NFIB: variants seen among roughly 807,000 people sequenced by gnomAD.
NFIB encodes the protein nuclear factor I B.
NFIB carries 11 observed loss-of-function variants against 61.5 expected under a neutral mutation model. The ratio of observed to expected loss-of-function variants is 0.18; its 90% CI spans 0.11 to 0.30. The LOEUF (loss-of-function observed/expected upper bound fraction) is 0.30, where lower values mean the gene tolerates loss of function less well. NFIB is among the 10% of genes least tolerant of loss of function. The probability of loss-of-function intolerance (pLI) is 1.00; values close to 1 mark genes in which losing one functional copy is unlikely to be tolerated. For missense variants in NFIB, 471 were observed against 608.9 expected, an observed-to-expected ratio of 0.77 and a Z score of 2.38; for synonymous variants, 260 against 216.5, an observed-to-expected ratio of 1.20 and a Z score of -1.76.
At chr9:14,162,955 G>A (rs911869814) in intron 3 of NFIB, among the ~76,000 whole-genome samples, 2 of 151,786 alleles carry the variant, frequency 1.3e-5, no homozygotes, top group Non-Finnish European at 2.9e-5. Context: ...TCTCTCCAAC[G>A]GTGTTAAAGC....
the NFIB span, among the ~76,000 whole-genome samples, chr9:14,475,905 A>C: frequency 6.6e-6 from 1 of 152,144 alleles, no homozygotes; most frequent in Admixed American, 6.5e-5. Flanking sequence ...AAAGGAATTC[A>C]ATTTGGTAGA....
chr9:14,313,811 C>T lies in NFIB; in HGVS notation c.-300G>A. 7.6e-7 allele frequency: 1 copy of T among 1,322,026 alleles called. No individual in the cohort carries two copies. Among genetic ancestry groups the T allele is most frequent in the Non-Finnish European group, 9.7e-7 (1 of 1,035,456 alleles). The allele number at this position is 1,322,026 out of a possible 1,614,324, so 81.9% of individuals were successfully genotyped here. A position where few individuals can be genotyped will look rare whatever the true frequency, so the allele number is the denominator to read the frequency against. ...CCGCCGCCGCCGCCGGTGTTGGCTGCTTTTCGCCTGGGTTTGGGGATTTGT... is the reference window on the plus strand; with the variant it reads ...CCGCCGCCGCCGCCGGTGTTGGCTGTTTTTCGCCTGGGTTTGGGGATTTGT... On this transcript the variant is annotated 5_prime_UTR_variant, in exon 1 of 11. Coordinates refer to ENST00000380953, the MANE Select transcript of NFIB (RefSeq NM_001190737.2). This position sits in a 1 kb window ranked among gnomAD's most constrained non-coding sequence, Gnocchi z 4.5.
chr9:14,247,374 T>C (rs2132094981), intron 2 of NFIB, among the ~76,000 whole-genome samples: 1 of 152,318 alleles, frequency 6.6e-6, no homozygotes, highest in Middle Eastern at 3.4e-3. Context: ...CCATGCGCCA[T>C]CCAATAATGC....
intron 2 of NFIB, among the ~76,000 whole-genome samples, chr9:14,287,206 C>T (rs1164925774): frequency 2.7e-5 from 4 of 150,830 alleles, no homozygotes; most frequent in African/African-American, 7.4e-5. Flanking sequence ...CCGAGGCGGG[C>T]GGATCACGAG....
chr9:14,414,890 C>A, the NFIB span, among the ~76,000 whole-genome samples: 2 of 152,192 alleles, frequency 1.3e-5, no homozygotes, highest in Non-Finnish European at 2.9e-5. Flanking sequence ...GACTTCCCCA[C>A]ACACTGTCAG....
chr9:14,474,523 G>A, the NFIB span, among the ~76,000 whole-genome samples: 1 of 152,080 alleles, frequency 6.6e-6, no homozygotes, highest in Non-Finnish European at 1.5e-5. Flanking sequence ...CCTCCCATTT[G>A]TTCCATCCTA....
At chr9:14,370,288 G>A (rs1446473268) in intron 1 of NFIB, among the ~76,000 whole-genome samples, 1 of 152,116 alleles carries the variant, frequency 6.6e-6, no homozygotes, top group African/African-American at 2.4e-5. Flanking sequence ...TTTTATCAAA[G>A]TTAGTTATTT....
chr9:14,221,500 T>C (rs1262033731), intron 2 of NFIB, among the ~76,000 whole-genome samples: 1 of 152,186 alleles, frequency 6.6e-6, no homozygotes, highest in South Asian at 2.1e-4. Flanking sequence ...TGAGACAAAG[T>C]ATGTTTCCCG....
At chr9:14,124,837 T>C (rs890086672) in intron 7 of NFIB, among the ~76,000 whole-genome samples, 1 of 152,182 alleles carries the variant, frequency 6.6e-6, no homozygotes, top group Admixed American at 6.5e-5. Flanking sequence ...GCCCAAAGGA[T>C]TTGGGCATAT....
chr9:14,487,387 A>G, the NFIB span, among the ~76,000 whole-genome samples: 2 of 152,350 alleles, frequency 1.3e-5, no homozygotes, highest in East Asian at 3.9e-4. Flanking sequence ...TGGCAGAGAG[A>G]AACACTTTTC....
At chr9:14,379,665 T>C (rs7046421) in intron 1 of NFIB, among the ~76,000 whole-genome samples, 16,272 of 152,048 alleles carry the variant, frequency 0.11, 1,028 homozygotes, top group East Asian at 0.23. Flanking sequence ...TCTTCTTAGG[T>C]TATCAGATTT....
chr9:14,199,498 A>C (rs2048793339), intron 2 of NFIB, among the ~76,000 whole-genome samples: 1 of 152,218 alleles, frequency 6.6e-6, no homozygotes, highest in South Asian at 2.1e-4. Context: ...TCAAAAACTT[A>C]ACTCACCCAT....
In NFIB at chr9:14,084,019, C is replaced by T. The variant is rs891283187; in HGVS notation, c.*4290G>A. 4.6e-6 allele frequency: 1 copy of T among 215,630 alleles called. No homozygotes were observed. Among genetic ancestry groups the T allele is most frequent in the Non-Finnish European group, 9.4e-6 (1 of 106,708 alleles). The allele number at this position is 215,630 out of a possible 1,614,324, so 13.4% of individuals were successfully genotyped here. ...GCTCTGGAAACCAACTTTTCCAATA[C>T]TAAATACAACAAAATAACCTTCATA... On this transcript the variant is annotated 3_prime_UTR_variant, in exon 11 of 11. Transcript: ENST00000380953.
intron 2 of NFIB, among the ~76,000 whole-genome samples, chr9:14,237,536 G>A (rs546323493): frequency 1.3e-5 from 2 of 152,154 alleles, no homozygotes; most frequent in South Asian, 2.1e-4. Context: ...TCTTTTCACT[G>A]CTCATGATTA....
intron 1 of NFIB, chr9:14,361,786 T>C (rs1405030070): frequency 1.3e-5 from 2 of 152,140 alleles, no homozygotes; most frequent in Admixed American, 6.5e-5. Context: ...AAAATAAAAC[T>C]TGGGAACAAA....
intron 2 of NFIB, among the ~76,000 whole-genome samples, chr9:14,217,489 T>C (rs755471664): frequency 4.0e-5 from 6 of 151,824 alleles, no homozygotes; most frequent in Non-Finnish European, 7.4e-5. Context: ...GGAGAAACCT[T>C]GTGTCTACTA....
chr9:14,191,339 A>G (rs1235405464), intron 2 of NFIB, among the ~76,000 whole-genome samples: 2 of 152,174 alleles, frequency 1.3e-5, no homozygotes, highest in Admixed American at 1.3e-4. Context: ...AAAAAAATAA[A>G]CAAAAATAAA....
At chr9:14,238,538 G>A (rs983589508) in intron 2 of NFIB, among the ~76,000 whole-genome samples, 11 of 152,184 alleles carry the variant, frequency 7.2e-5, no homozygotes, top group African/African-American at 2.7e-4. Flanking sequence ...TTTCACATTG[G>A]TTGTTTCAGT....
chr9:14,463,850 C>CG, the NFIB span, among the ~76,000 whole-genome samples: 1 of 151,718 alleles, frequency 6.6e-6, no homozygotes, highest in African/African-American at 2.4e-5. Flanking sequence ...TTAGTAGAGA[C>CG]AGGGTTTCAC....
Sources: allele counts gnomAD v4.1 joint callset (sites outside exome capture counted in the v4.1 genomes callset), GRCh38; gene constraint gnomAD v4.1.1; non-coding constraint Gnocchi (gnomAD v3.1); transcripts MANE v1.5; gene names NCBI Gene and HGNC (gene_info 2026-07-23, HGNC 2026-07-21).